Variants in EYS observed in about 807,000 individuals in gnomAD.
EYS encodes the protein EGF-like photoreceptor maintenance factor, also known as protein eyes shut homolog.
EYS carries 250 observed loss-of-function variants against 282.1 expected under a neutral mutation model. That is an observed-to-expected ratio of 0.89 (90% CI 0.80 to 0.98). The LOEUF is 0.98. Among genes scored for constraint, EYS ranks in the 50% least tolerant of loss-of-function variants. EYS has a pLI of 0.00. For missense variants in EYS, 4,016 were observed against 3,709.0 expected, an observed-to-expected ratio of 1.08 and a Z score of -2.15; for synonymous variants, 1,355 against 1,282.9, an observed-to-expected ratio of 1.06 and a Z score of -1.20.
intron 31 of EYS, among the ~76,000 whole-genome samples, chr6:64,164,933 CT>C (rs904680302): frequency 6.6e-6 from 1 of 152,024 alleles, no homozygotes; most frequent in Admixed American, 6.6e-5. Context: ...GGATCTTTGA[CT>C]TTTTTCCCCT....
chr6:64,329,944 T>C (rs1370567222), intron 29 of EYS, among the ~76,000 whole-genome samples: 6 of 152,100 alleles, frequency 3.9e-5, no homozygotes, highest in Non-Finnish European at 5.9e-5. Flanking sequence ...CCTGAAAGCA[T>C]CTTTGCCTTT....
At chr6:64,143,477 A>T (rs1177287536) in intron 31 of EYS, among the ~76,000 whole-genome samples, 1 of 151,880 alleles carries the variant, frequency 6.6e-6, no homozygotes, top group Admixed American at 6.6e-5. Flanking sequence ...TTTGCATTCA[A>T]TTTTTCTGTA....
chr6:64,362,103 G>C (rs1772030437), intron 29 of EYS, among the ~76,000 whole-genome samples: 1 of 151,734 alleles, frequency 6.6e-6, no homozygotes, highest in South Asian at 2.1e-4. Flanking sequence ...TTTTGTAGGA[G>C]CTGGTGCTGC....
In EYS at chr6:64,471,988, T is replaced by C. The variant is rs112467989; in HGVS notation, c.5645-32636A>G. The stretch of plus-strand genomic sequence containing the variant: ...TGAAATGTTCCCAACACAAAAAAAA[T>C]TTGAGGTGATAGATATCTTAAATAC... On this transcript the variant is annotated intron_variant, in intron 26 of 42. Coordinates refer to ENST00000503581, the MANE Select transcript of EYS (RefSeq NM_001142800.2). 5.4e-5 allele frequency among the ~76,000 whole-genome samples: 8 copies of C among 149,262 alleles called. No homozygotes were observed. The East Asian group carries it at 1.4e-3, about 26-fold the overall frequency.
intron 18 of EYS, among the ~76,000 whole-genome samples, chr6:64,888,711 C>T (rs1244557415): frequency 1.3e-5 from 2 of 151,774 alleles, no homozygotes; most frequent in Non-Finnish European, 2.9e-5. Flanking sequence ...ATTCATTTTG[C>T]GAATATCTCC....
chr6:64,188,857 G>A (rs1765023302), intron 31 of EYS, among the ~76,000 whole-genome samples: 1 of 152,052 alleles, frequency 6.6e-6, no homozygotes, highest in African/African-American at 2.4e-5. Flanking sequence ...TTCTATATTA[G>A]GAAAGTGTTA....
chr6:65,173,054 C>T (rs1473334215), intron 12 of EYS, among the ~76,000 whole-genome samples: 2 of 150,718 alleles, frequency 1.3e-5, no homozygotes, highest in East Asian at 2.0e-4. Flanking sequence ...TTAGAATGTA[C>T]AGCTTTATCA....
At chr6:64,207,339 A>G (rs914235840) in intron 31 of EYS, among the ~76,000 whole-genome samples, 2 of 151,944 alleles carry the variant, frequency 1.3e-5, no homozygotes, top group African/African-American at 2.4e-5. Flanking sequence ...TGGTCCCTCA[A>G]TCTTGGCCTT....
chr6:64,993,639 A>G (rs1231974676), intron 14 of EYS, among the ~76,000 whole-genome samples: 1 of 150,432 alleles, frequency 6.6e-6, no homozygotes, highest in Non-Finnish European at 1.5e-5. Context: ...TGACGAGTTA[A>G]TGGGTGCAGC....
intron 2 of EYS, among the ~76,000 whole-genome samples, chr6:65,500,850 G>A (rs1218882241): frequency 6.6e-6 from 1 of 151,836 alleles, no homozygotes; most frequent in Non-Finnish European, 1.5e-5. Context: ...ATGTCAGGAG[G>A]TAGAAAGAGC....
chr6:64,240,139 C>T (rs932699906), intron 30 of EYS, among the ~76,000 whole-genome samples: 2 of 152,112 alleles, frequency 1.3e-5, no homozygotes, highest in Admixed American at 6.6e-5. Context: ...CAGTACCATG[C>T]TGTTTTTGTT....
chr6:65,384,360 A>C, intron 8 of EYS, 26 bp downstream of exon 8: 1 of 1,291,994 alleles, frequency 7.7e-7, no homozygotes, highest in Non-Finnish European at 1.1e-6. Flanking sequence ...GGGCTAACTT[A>C]TGTTGCCATG....
chr6:65,580,448 A>G (rs1764827827), intron 2 of EYS, among the ~76,000 whole-genome samples: 1 of 152,140 alleles, frequency 6.6e-6, no homozygotes, highest in African/African-American at 2.4e-5. Flanking sequence ...ACAAATTACA[A>G]AAGTAATTGA....
intron 12 of EYS, among the ~76,000 whole-genome samples, chr6:65,238,496 T>C (rs367744787): frequency 1.4e-4 from 21 of 151,924 alleles, no homozygotes; most frequent in East Asian, 7.7e-4. Flanking sequence ...TTATTAGACC[T>C]CTTTAATCAT....
chr6:64,333,282 T>A (rs1351834170), intron 29 of EYS, among the ~76,000 whole-genome samples: 1 of 152,142 alleles, frequency 6.6e-6, no homozygotes, highest in Non-Finnish European at 1.5e-5. Context: ...GTAAACAAAA[T>A]GGAAGTATTC....
chr6:63,938,499 G>A (rs1476066832), intron 35 of EYS, among the ~76,000 whole-genome samples: 1 of 152,098 alleles, frequency 6.6e-6, no homozygotes, highest in Non-Finnish European at 1.5e-5. Flanking sequence ...GTTAGCCATG[G>A]GAAGACCAGA....
intron 26 of EYS, among the ~76,000 whole-genome samples, chr6:64,497,369 C>G (rs984095023): frequency 1.3e-5 from 2 of 152,226 alleles, no homozygotes; most frequent in Admixed American, 1.3e-4. Flanking sequence ...AGTTGATGAT[C>G]TGACTCTAGA....
intron 12 of EYS, among the ~76,000 whole-genome samples, chr6:65,265,006 G>T (rs1186469600): frequency 6.6e-6 from 1 of 151,816 alleles, no homozygotes; most frequent in African/African-American, 2.4e-5. Context: ...CTCTAGAAAA[G>T]TTCAGAAAGA....
chr6:64,203,476 C>T (rs1405400324), intron 31 of EYS, among the ~76,000 whole-genome samples: 1 of 152,136 alleles, frequency 6.6e-6, no homozygotes, highest in Non-Finnish European at 1.5e-5. Flanking sequence ...AGCTTTTGTT[C>T]TTGGAGAATT....
Sources: allele counts gnomAD v4.1 joint callset (sites outside exome capture counted in the v4.1 genomes callset), GRCh38; gene constraint gnomAD v4.1.1; transcripts MANE v1.5; gene names NCBI Gene and HGNC (gene_info 2026-07-23, HGNC 2026-07-21).